EXT1: variants seen among roughly 807,000 people sequenced by gnomAD.
EXT1 encodes exostosin glycosyltransferase 1.
Under a neutral mutation model 82.5 loss-of-function variants are expected in EXT1, and 20 were observed. The observed-to-expected ratio is 0.24, with a 90% CI of 0.17 to 0.35. EXT1 has a LOEUF of 0.35. EXT1 is among the 10% of genes least tolerant of loss of function. The probability of loss-of-function intolerance (pLI) is 1.00; values close to 1 mark genes in which losing one functional copy is unlikely to be tolerated. For synonymous variants in EXT1, 348 were observed against 350.8 expected (o/e 0.99, Z 0.09); for missense variants, 757 against 936.5 (o/e 0.81, Z 2.50).
intron 10 of EXT1, among the ~76,000 whole-genome samples, chr8:117,803,024 A>G (rs983408362): frequency 3.3e-5 from 5 of 152,208 alleles, no homozygotes; most frequent in Non-Finnish European, 5.9e-5. Flanking sequence ...CTAGATTTGT[A>G]TATGTTTTCC....
Position 118,053,351 on chromosome 8 carries a change from G to A in EXT1, c.962+56734C>T, listed in dbSNP as rs548511480. 7.2e-5 allele frequency among the ~76,000 whole-genome samples: 11 copies of A among 152,232 alleles called. No individual in the cohort carries two copies. The East Asian group carries it at 1.2e-3, about 16-fold the overall frequency. ...TTACAGCACACCACGACTCCCTTCAGTAACATCCACTTCATGCCCTTGATA... is the reference window on the plus strand; with the variant it reads ...TTACAGCACACCACGACTCCCTTCAATAACATCCACTTCATGCCCTTGATA... On this transcript the variant is annotated intron_variant, in intron 1 of 10. Transcript: ENST00000378204.
At chr8:117,958,104 T>C (rs1387315372) in intron 1 of EXT1, among the ~76,000 whole-genome samples, 1 of 128,298 alleles carries the variant, frequency 7.8e-6, no homozygotes, top group African/African-American at 2.5e-5. Context: ...CAAGAGTTCC[T>C]GTTACCAAGT....
At chr8:117,815,998 C>A (rs1811805870) in intron 7 of EXT1, among the ~76,000 whole-genome samples, 2 of 150,394 alleles carry the variant, frequency 1.3e-5, no homozygotes, top group African/African-American at 4.9e-5. Flanking sequence ...AGTTTACTGT[C>A]TTGTAGTGTG....
At chr8:118,097,394 C>G (rs1365593526) in intron 1 of EXT1, among the ~76,000 whole-genome samples, 2 of 152,108 alleles carry the variant, frequency 1.3e-5, no homozygotes, top group Non-Finnish European at 2.9e-5. Flanking sequence ...TTGCAGTGAG[C>G]CCAGATCGCC....
rs111503299 is a variant in EXT1, at chr8:117,944,901, G to A, written c.963-107700C>T. Among the ~76,000 whole-genome samples, 964 of 152,246 alleles carry A rather than the reference G, an allele frequency of 6.3e-3. 15 individuals carry two copies. Among genetic ancestry groups the A allele is most frequent in the African/African-American group, 0.022 (925 of 41,552 alleles). On this transcript the variant is annotated intron_variant, in intron 1 of 10. Coordinates refer to ENST00000378204, the MANE Select transcript of EXT1 (RefSeq NM_000127.3). Reference sequence around the variant, plus strand: ...ATCTCGGCCAGGCGCGGTGGCTCACGCCTGTAATCCCAGCACTTTGGGAGG... The same window carrying A: ...ATCTCGGCCAGGCGCGGTGGCTCACACCTGTAATCCCAGCACTTTGGGAGG...
intron 4 of EXT1, among the ~76,000 whole-genome samples, chr8:117,823,161 A>C (rs748054640): frequency 1.8e-4 from 28 of 152,192 alleles, no homozygotes; most frequent in Non-Finnish European, 2.9e-4. Context: ...GGTGCTGGTT[A>C]CTGAAGTTTT....
chr8:117,804,321 T>G (rs549507861), intron 10 of EXT1, among the ~76,000 whole-genome samples: 9 of 152,252 alleles, frequency 5.9e-5, no homozygotes, highest in South Asian at 4.1e-4. Context: ...GGAAACAGTC[T>G]CTTGTCAGGC....
At chr8:117,899,525 C>CGT (rs1813403650) in intron 1 of EXT1, among the ~76,000 whole-genome samples, 1 of 152,186 alleles carries the variant, frequency 6.6e-6, no homozygotes, top group Non-Finnish European at 1.5e-5. Flanking sequence ...AGCTTGCTAA[C>CGT]GTGTTCACAG....
At chr8:118,075,206 G>A (rs1817184293) in intron 1 of EXT1, among the ~76,000 whole-genome samples, 1 of 152,186 alleles carries the variant, frequency 6.6e-6, no homozygotes, top group South Asian at 2.1e-4. Flanking sequence ...AAATTCCTGG[G>A]CCCAGAGAGA....
chr8:118,084,285 A>T (rs1298010636), intron 1 of EXT1, among the ~76,000 whole-genome samples: 1 of 152,212 alleles, frequency 6.6e-6, no homozygotes, highest in Admixed American at 6.5e-5. Context: ...AGGACTTGCT[A>T]AAGTGACTAT....
At chr8:118,066,388 C>G (rs1257658472) in intron 1 of EXT1, among the ~76,000 whole-genome samples, 3 of 148,732 alleles carry the variant, frequency 2.0e-5, no homozygotes, top group African/African-American at 7.5e-5. Flanking sequence ...TAGACAGAGT[C>G]TCACTCTGTT....
intron 1 of EXT1, among the ~76,000 whole-genome samples, chr8:117,996,940 C>A (rs1012636372): frequency 6.6e-6 from 1 of 152,138 alleles, no homozygotes; most frequent in African/African-American, 2.4e-5. Flanking sequence ...GCCAGCAGAG[C>A]ACTACTTTAA....
At chr8:117,919,804 A>C (rs1386251496) in intron 1 of EXT1, among the ~76,000 whole-genome samples, 6 of 152,212 alleles carry the variant, frequency 3.9e-5, no homozygotes, top group Admixed American at 6.5e-5. Context: ...ACACCTGACC[A>C]AGAGCTAACC....
intron 4 of EXT1, among the ~76,000 whole-genome samples, chr8:117,828,302 C>A (rs1473251628): frequency 1.3e-5 from 2 of 152,052 alleles, no homozygotes; most frequent in Non-Finnish European, 2.9e-5. Context: ...TTTAATCCCA[C>A]CAATTTGGGT....
At chr8:117,956,801 C>T (rs1363291652) in intron 1 of EXT1, among the ~76,000 whole-genome samples, 1 of 152,112 alleles carries the variant, frequency 6.6e-6, no homozygotes, top group African/African-American at 2.4e-5. Context: ...GCTAGGTTTC[C>T]TTAACCATGA....
At position 117,807,368 on chromosome 8, in the gene EXT1, C is replaced by T. The variant is rs775804762; in HGVS notation, c.1732G>A (p.Ala578Thr). Residue 578 changes from alanine (A) to threonine (T), a missense_variant, in exon 9 of 11, where the codon GCC becomes ACC. By Grantham distance (58) the Ala-to-Thr change is moderately conservative. Transcript: ENST00000378204. ...GGGAAGCTCTGCCACACTGTGAAGG[C>T]GAAATCCACCTGCAGGCAGAACACA... is the stretch of plus-strand genomic sequence containing the variant. ...TVLSTTEVDF[A>T]FTVWQSFPER... is the part of the protein sequence containing the mutation. 2.5e-6 allele frequency: 4 copies of T among 1,613,994 alleles called. No individual in the cohort carries two copies. Among genetic ancestry groups the T allele is most frequent in the African/African-American group, 1.3e-5 (1 of 74,910 alleles).
At chr8:118,032,119 A>ACTGAG (rs200370577) in intron 1 of EXT1, among the ~76,000 whole-genome samples, 2 of 138,830 alleles carry the variant, frequency 1.4e-5, no homozygotes, top group East Asian at 2.4e-4. Context: ...GGTTTTGGCC[A>ACTGAG]TTACTCAATG....
intron 1 of EXT1, among the ~76,000 whole-genome samples, chr8:117,943,811 C>T (rs1001674864): frequency 6.6e-6 from 1 of 152,196 alleles, no homozygotes; most frequent in Admixed American, 6.5e-5. Context: ...GATATTCCCA[C>T]CTCCTTTAAC....
chr8:117,850,179 A>G (rs1176680944), intron 1 of EXT1, among the ~76,000 whole-genome samples: 1 of 152,222 alleles, frequency 6.6e-6, no homozygotes, highest in African/African-American at 2.4e-5. Flanking sequence ...CTTGGTTTCC[A>G]TTAAGGTATC....
Sources: gnomAD v4.1 joint callset for allele counts (sites outside exome capture counted in the v4.1 genomes callset) on GRCh38, gnomAD v4.1.1 for gene constraint, MANE v1.5 for transcripts, NCBI Gene and HGNC (gene_info 2026-07-23, HGNC 2026-07-21) for gene names.